SMURF2: variants seen among roughly 807,000 people sequenced by gnomAD.
The protein encoded by SMURF2 is E3 ubiquitin-protein ligase SMURF2.
In SMURF2, 48 loss-of-function variants were observed where a neutral mutation model predicts 109.6. The observed-to-expected ratio is 0.44, with a 90% CI of 0.35 to 0.56. The LOEUF (loss-of-function observed/expected upper bound fraction) is 0.56. Ranked by LOEUF, SMURF2 falls within the 20% of genes least tolerant of loss-of-function variation. SMURF2 has a pLI of 0.01. For synonymous variants in SMURF2, 288 were observed against 317.1 expected (o/e 0.91, Z 0.97); for missense variants, 575 against 909.0 (o/e 0.63, Z 4.72).
chr17:64,623,272 G>C (rs1253130425), intron 1 of SMURF2, among the ~76,000 whole-genome samples: 1 of 152,228 alleles, frequency 6.6e-6, no homozygotes, highest in Admixed American at 6.5e-5. Context: ...ACCTTCACTA[G>C]ATCATTAAGT....
intron 1 of SMURF2, among the ~76,000 whole-genome samples, chr17:64,631,288 G>A: frequency 1.5e-5 from 1 of 65,234 alleles, no homozygotes. Context: ...GGGGGAGAGA[G>A]AGAGAGAGAG....
At chr17:64,601,850 GTA>G (rs1432295958) in intron 2 of SMURF2, among the ~76,000 whole-genome samples, 7 of 149,394 alleles carry the variant, frequency 4.7e-5, no homozygotes, top group African/African-American at 7.4e-5. Context: ...GTGTGTGTGT[GTA>G]TATGTGTGTG....
intron 14 of SMURF2, 54 bp downstream of exon 14, chr17:64,555,765 AT>A (rs543555512): frequency 1.2e-3 from 1,451 of 1,230,542 alleles, no homozygotes; most frequent in South Asian, 1.9e-3. Context: ...TTTGAAACAT[AT>A]TTTTTTTTAA....
intron 11 of SMURF2, among the ~76,000 whole-genome samples, chr17:64,562,381 AT>A (rs554359318): frequency 2.0e-3 from 271 of 138,586 alleles, no homozygotes; most frequent in Admixed American, 2.4e-3. Context: ...TTAACTTCTA[AT>A]TTTTTTTTTT....
At chr17:64,558,139 C>T (rs1030225704) in intron 12 of SMURF2, among the ~76,000 whole-genome samples, 1 of 152,184 alleles carries the variant, frequency 6.6e-6, no homozygotes, top group Non-Finnish European at 1.5e-5. Context: ...GTGGCTCACA[C>T]CTGTAATCCC....
chr17:64,637,923 CAAAAAAAAAAAAAAA>C (rs59701513), intron 1 of SMURF2, among the ~76,000 whole-genome samples: 1 of 72,560 alleles, frequency 1.4e-5, no homozygotes, highest in Non-Finnish European at 3.3e-5. Flanking sequence ...GCGCCCTAGT[CAAAAAAAAAAAAAAA>C]AAAAATCAAC....
chr17:64,626,727 T>C (rs1411797522), intron 1 of SMURF2, among the ~76,000 whole-genome samples: 1 of 152,020 alleles, frequency 6.6e-6, no homozygotes, highest in Non-Finnish European at 1.5e-5. Context: ...TGTGCCACTG[T>C]ACTCCAGCCT....
At position 64,662,221 on chromosome 17, in the gene SMURF2, G is replaced by C. The variant is rs1290977899; in HGVS notation, c.-341C>G. ...TCGGCGAGGCCCAGTAGCCGACGGG[G>C]CTGGTCGGCTGAAGCGGGCGGTGCT... On this transcript the variant is annotated 5_prime_UTR_variant, in exon 1 of 19. Transcript: ENST00000262435. 12 of 983,224 alleles carry C rather than the reference G, an allele frequency of 1.2e-5. No homozygotes were observed. Among genetic ancestry groups the C allele is most frequent in the Non-Finnish European group, 1.4e-5 (12 of 829,152 alleles). 60.9% of individuals were successfully genotyped at this position (983,224 alleles called of 1,614,324 possible).
chr17:64,652,078 C>G (rs1156651712), intron 1 of SMURF2, among the ~76,000 whole-genome samples: 1 of 152,092 alleles, frequency 6.6e-6, no homozygotes, highest in Non-Finnish European at 1.5e-5. Flanking sequence ...CAGACACTTA[C>G]GTTAAGTCAT....
chr17:64,576,502 A>G (rs1969493031), intron 9 of SMURF2, among the ~76,000 whole-genome samples: 1 of 151,742 alleles, frequency 6.6e-6, no homozygotes, highest in African/African-American at 2.4e-5. Context: ...CGTCTCTACT[A>G]AAAATACAAA....
intron 1 of SMURF2, among the ~76,000 whole-genome samples, chr17:64,646,873 G>C (rs1275081439): frequency 6.6e-6 from 1 of 152,324 alleles, no homozygotes; most frequent in South Asian, 2.1e-4. Context: ...TACTATTTGG[G>C]ATGTCTGGCT....
chr17:64,648,507 C>G (rs1970591258), intron 1 of SMURF2, among the ~76,000 whole-genome samples: 1 of 152,152 alleles, frequency 6.6e-6, no homozygotes, highest in Non-Finnish European at 1.5e-5. Context: ...ACAAATGGCT[C>G]ACACATGTAA....
chr17:64,662,153 C>G lies in SMURF2; in HGVS notation c.-273G>C. 9.7e-7 allele frequency: 1 copy of G among 1,034,718 alleles called. No homozygotes were observed. The highest frequency in any genetic ancestry group is 1.2e-6 in the Non-Finnish European group (1 of 862,964). The allele number at this position is 1,034,718 out of a possible 1,614,324, so 64.1% of individuals were successfully genotyped here. Reference sequence around the variant, plus strand: ...CCCGCGCCGCCTCCGCCCGCGCCCCCGCCGCCTCCTCGCGGCCGCCGAGGC... The same window carrying G: ...CCCGCGCCGCCTCCGCCCGCGCCCCGGCCGCCTCCTCGCGGCCGCCGAGGC... On this transcript the variant is annotated 5_prime_UTR_variant, in exon 1 of 19. Transcript: ENST00000262435.
chr17:64,619,277 G>A (rs1970167021), intron 1 of SMURF2, among the ~76,000 whole-genome samples: 1 of 151,868 alleles, frequency 6.6e-6, no homozygotes, highest in South Asian at 2.1e-4. Flanking sequence ...AGGAGATCGA[G>A]ACCAGCCTGG....
rs144431108 is a variant in SMURF2 at position 64,649,660 on chromosome 17, T to C, written c.52+12169A>G. Among the ~76,000 whole-genome samples, 486 of 147,504 alleles carry C rather than the reference T, an allele frequency of 3.3e-3. 1 individual carries two copies. Among genetic ancestry groups the C allele is most frequent in the Non-Finnish European group, 5.0e-3 (333 of 66,542 alleles). ...AGTTTGAGAAACAACCTGGCCAACA[T>C]GGTGAAACCCTGTCTCTACTAAAAA... On this transcript the variant is annotated intron_variant, in intron 1 of 18. Coordinates refer to ENST00000262435, the MANE Select transcript of SMURF2 (RefSeq NM_022739.4).
intron 1 of SMURF2, among the ~76,000 whole-genome samples, chr17:64,625,380 C>T (rs747480625): frequency 2.6e-5 from 4 of 152,194 alleles, no homozygotes; most frequent in Non-Finnish European, 2.9e-5. Context: ...AAATCATTAA[C>T]ATTTTACAAG....
intron 5 of SMURF2, among the ~76,000 whole-genome samples, chr17:64,588,495 T>C (rs1201374006): frequency 1.3e-5 from 2 of 152,206 alleles, no homozygotes; most frequent in Middle Eastern, 3.4e-3. Context: ...AAAATGATTA[T>C]GGTTAAGTGA....
At chr17:64,590,487 T>C (rs1175605526) in intron 5 of SMURF2, among the ~76,000 whole-genome samples, 1 of 152,072 alleles carries the variant, frequency 6.6e-6, no homozygotes, top group Non-Finnish European at 1.5e-5. Flanking sequence ...ATGAACAGTG[T>C]CCTTCCATAC....
At chr17:64,563,505 C>T (rs1221201690) in intron 10 of SMURF2, among the ~76,000 whole-genome samples, 2 of 152,176 alleles carry the variant, frequency 1.3e-5, no homozygotes, top group African/African-American at 4.8e-5. Flanking sequence ...TTAACATACA[C>T]ACAAAATCAA....
Sources: allele counts gnomAD v4.1 joint callset (sites outside exome capture counted in the v4.1 genomes callset), GRCh38; gene constraint gnomAD v4.1.1; transcripts MANE v1.5; gene names NCBI Gene and HGNC (gene_info 2026-07-23, HGNC 2026-07-21).